PLA2G4C: variants seen among roughly 807,000 people sequenced by gnomAD.
PLA2G4C encodes the protein cytosolic phospholipase A2 gamma.
A neutral mutation model predicts 73.8 loss-of-function variants in PLA2G4C; 64 were observed. That is an observed-to-expected ratio of 0.87 (90% CI 0.71 to 1.07). The LOEUF is 1.07. Ranked by LOEUF, PLA2G4C falls within the 50% of genes least tolerant of loss-of-function variation. PLA2G4C has a pLI of 0.00. For synonymous variants in PLA2G4C, 254 were observed against 252.1 expected, an observed-to-expected ratio of 1.01 and a Z score of -0.07; for missense variants, 622 against 665.4, an observed-to-expected ratio of 0.93 and a Z score of 0.72.
chr19:48,080,879 C>T (rs1430776071), intron 10 of PLA2G4C, among the ~76,000 whole-genome samples: 1 of 151,374 alleles, frequency 6.6e-6, no homozygotes, highest in South Asian at 2.1e-4. Flanking sequence ...ATGGAACCAG[C>T]CGAGCATGGT....
chr19:48,110,560 C>CTCCGGAATCCGGTGCGGAGGCTTGGGA lies in PLA2G4C; in HGVS notation c.-107_-106insTCCCAAGCCTCCGCACCGGATTCCGGA. The CTCCGGAATCCGGTGCGGAGGCTTGGGA allele has an allele frequency of 3.4e-6, 5 of 1,475,754 alleles. No individual in the cohort carries two copies. The highest frequency in any genetic ancestry group is 2.8e-5 in the East Asian group (1 of 35,776). The allele number at this position is 1,475,754 out of a possible 1,614,324, so 91.4% of individuals were successfully genotyped here. On this transcript the variant is annotated 5_prime_UTR_variant, in exon 1 of 17. Coordinates refer to ENST00000599921, the MANE Select transcript of PLA2G4C (RefSeq NM_003706.3). Reference sequence around the variant, plus strand: ...CCGGAATCCGGTGCGGAGGCTTGGGCTCCCTGCGCTTAGCGGTGTAGTCGC... The same window carrying CTCCGGAATCCGGTGCGGAGGCTTGGGA: ...CCGGAATCCGGTGCGGAGGCTTGGGCTCCGGAATCCGGTGCGGAGGCTTGGGATCCCTGCGCTTAGCGGTGTAGTCGC...
chr19:48,076,012 GT>G (rs1229743138), intron 11 of PLA2G4C, among the ~76,000 whole-genome samples: 1 of 152,224 alleles, frequency 6.6e-6, no homozygotes, highest in Non-Finnish European at 1.5e-5. Context: ...CCAGAAGAGG[GT>G]TCCCCAGAAT....
intron 14 of PLA2G4C, among the ~76,000 whole-genome samples, chr19:48,058,681 G>A (rs995354337): frequency 1.3e-5 from 2 of 151,894 alleles, no homozygotes; most frequent in Admixed American, 6.6e-5. Context: ...AGCCGGGCAT[G>A]GTGGCGGGCG....
intron 15 of PLA2G4C, among the ~76,000 whole-genome samples, chr19:48,053,362 T>C (rs1967798892): frequency 7.5e-6 from 1 of 133,102 alleles, no homozygotes; most frequent in Admixed American, 7.7e-5. Flanking sequence ...CGGTCCTTTT[T>C]TCTTTTTTTT....
At chr19:48,055,262 C>T (rs768306391) in intron 14 of PLA2G4C, among the ~76,000 whole-genome samples, 2 of 151,552 alleles carry the variant, frequency 1.3e-5, no homozygotes, top group African/African-American at 4.9e-5. Flanking sequence ...AGACAACATT[C>T]GCGAGGTTAG....
At chr19:48,106,477 C>A (rs767924693) in intron 2 of PLA2G4C, 45 bp downstream of exon 2, 1 of 1,447,746 alleles carries the variant, frequency 6.9e-7, no homozygotes, top group Non-Finnish European at 9.7e-7. Context: ...TTCCATTACA[C>A]AAATGCTCTG....
intron 10 of PLA2G4C, among the ~76,000 whole-genome samples, chr19:48,080,334 C>T (rs1177522540): frequency 1.3e-5 from 2 of 152,124 alleles, no homozygotes; most frequent in Admixed American, 1.3e-4. Flanking sequence ...AAACCATAGA[C>T]GTTGGTGTGG....
At chr19:48,073,654 G>A (rs927590134) in intron 12 of PLA2G4C, among the ~76,000 whole-genome samples, 1 of 152,000 alleles carries the variant, frequency 6.6e-6, no homozygotes. Flanking sequence ...AGGTTTAATT[G>A]TCTCACAGTT....
chr19:48,080,055 C>G (rs7252190), intron 10 of PLA2G4C, among the ~76,000 whole-genome samples: 3,086 of 152,098 alleles, frequency 0.02, 106 homozygotes, highest in African/African-American at 0.069. Context: ...CCACTGAATG[C>G]GAGCAAATAT....
intron 4 of PLA2G4C, among the ~76,000 whole-genome samples, chr19:48,101,067 T>C (rs2031884499): frequency 6.8e-6 from 1 of 146,732 alleles, no homozygotes; most frequent in Non-Finnish European, 1.5e-5. Context: ...CTTCTACTCA[T>C]GGCAGAAGGC....
chr19:48,078,520 T>A (rs1195059020), intron 10 of PLA2G4C, among the ~76,000 whole-genome samples: 2 of 152,098 alleles, frequency 1.3e-5, no homozygotes, highest in Non-Finnish European at 2.9e-5. Context: ...TCAGTAGAGT[T>A]TCAGGATACA....
intron 10 of PLA2G4C, among the ~76,000 whole-genome samples, chr19:48,079,024 T>A (rs1324302770): frequency 6.6e-6 from 1 of 152,100 alleles, no homozygotes; most frequent in Non-Finnish European, 1.5e-5. Context: ...GCATGCACCA[T>A]GCCTGGCTAA....
chr19:48,079,880 G>C (rs1216685810), intron 10 of PLA2G4C, among the ~76,000 whole-genome samples: 2 of 152,224 alleles, frequency 1.3e-5, no homozygotes, highest in African/African-American at 4.8e-5. Flanking sequence ...AGAATTGCTT[G>C]AGTCTGGGAG....
intron 8 of PLA2G4C, chr19:48,090,094 C>T: frequency 2.3e-6 from 1 of 440,276 alleles, no homozygotes; most frequent in East Asian, 3.9e-5. Flanking sequence ...GGCACAGAGG[C>T]AGAAACCGAG....
At chr19:48,078,013 G>A (rs1018002185) in intron 10 of PLA2G4C, among the ~76,000 whole-genome samples, 189 bp from the exon 11 acceptor site, 6 of 152,108 alleles carry the variant, frequency 3.9e-5, no homozygotes, top group Non-Finnish European at 2.9e-5. Context: ...CATGTTGGTA[G>A]CTTGAAATTT....
At chr19:48,096,064 C>T (rs965675325) in intron 6 of PLA2G4C, among the ~76,000 whole-genome samples, 4 of 152,030 alleles carry the variant, frequency 2.6e-5, no homozygotes, top group Non-Finnish European at 5.9e-5. Flanking sequence ...AGGAGGTGGA[C>T]AGCTTGGGAT....
intron 1 of PLA2G4C, among the ~76,000 whole-genome samples, chr19:48,108,086 G>C (rs1179276784): frequency 1.1e-4 from 17 of 152,132 alleles, no homozygotes; most frequent in Non-Finnish European, 1.5e-5. Context: ...CCCAGGCCCA[G>C]CTGTCTTTTC....
chr19:48,108,056 C>T (rs2032318364), intron 1 of PLA2G4C, among the ~76,000 whole-genome samples: 1 of 152,088 alleles, frequency 6.6e-6, no homozygotes, highest in Admixed American at 6.6e-5. Flanking sequence ...TCGGTCTCTG[C>T]GTCTTGGTGG....
chr19:48,056,486 T>C (rs1272660701), intron 14 of PLA2G4C, among the ~76,000 whole-genome samples: 1 of 151,616 alleles, frequency 6.6e-6, no homozygotes, highest in Non-Finnish European at 1.5e-5. Flanking sequence ...AGGCAGAGGT[T>C]GCAGTGAGCC....
Sources: gnomAD v4.1 joint callset for allele counts (sites outside exome capture counted in the v4.1 genomes callset) on GRCh38, gnomAD v4.1.1 for gene constraint, MANE v1.5 for transcripts, NCBI Gene and HGNC (gene_info 2026-07-23, HGNC 2026-07-21) for gene names.